Variants in ABLIM1 observed in about 807,000 individuals in gnomAD.
The protein encoded by ABLIM1 is actin-binding LIM protein 1.
ABLIM1 carries 40 observed loss-of-function variants against 107.0 expected under a neutral mutation model. The ratio of observed to expected loss-of-function variants is 0.37; its 90% CI spans 0.29 to 0.49. The LOEUF (loss-of-function observed/expected upper bound fraction) is 0.49. Among genes scored for constraint, ABLIM1 ranks in the 20% least tolerant of loss-of-function variants. The probability of loss-of-function intolerance (pLI) is 0.97; values close to 1 mark genes in which losing one functional copy is unlikely to be tolerated. For synonymous variants in ABLIM1, 357 were observed against 357.3 expected (o/e 1.00, Z 0.01); for missense variants, 857 against 1,008.5 (o/e 0.85, Z 2.04).
Position 114,634,202 on chromosome 10 carries a change from G to C in ABLIM1, c.244+23755C>G, listed in dbSNP as rs1183081715. 4.0e-5 allele frequency among the ~76,000 whole-genome samples: 5 copies of C among 126,456 alleles called. No homozygotes were observed. The East Asian group carries it at 1.0e-3, about 25-fold the overall frequency. 83.0% of individuals were successfully genotyped at this position (126,456 alleles called of 152,430 possible). A position where few individuals can be genotyped will look rare whatever the true frequency, so the allele number is the denominator to read the frequency against. On this transcript the variant is annotated intron_variant, in intron 1 of 22. Coordinates refer to ENST00000533213, the MANE Select transcript of ABLIM1 (RefSeq NM_002313.7). The stretch of plus-strand genomic sequence containing the variant: ...GGCTGGAGTGCAGTGGCGCGATCTC[G>C]GCTCACTGCAAGCTCCGCCTCCCGG...
At chr10:114,615,984 C>T (rs2077106624) in intron 1 of ABLIM1, among the ~76,000 whole-genome samples, 1 of 152,084 alleles carries the variant, frequency 6.6e-6, no homozygotes, top group African/African-American at 2.4e-5. Flanking sequence ...AGTGGCATGT[C>T]CCCAGAACAG....
In ABLIM1 at chr10:114,458,898, T is replaced by C. The variant is rs187913246; in HGVS notation, c.1442-5415A>G. ...TTCCAAATCTCTAGGCATAAGGTTG[T>C]CCAAATGGCCCAAAGATATACTAAG... On this transcript the variant is annotated intron_variant, in intron 12 of 22. Coordinates refer to ENST00000533213, the MANE Select transcript of ABLIM1 (RefSeq NM_002313.7). Among the ~76,000 whole-genome samples, 11 of 152,308 alleles carry C rather than the reference T, an allele frequency of 7.2e-5. No homozygotes were observed. The East Asian group carries it at 2.1e-3, about 29-fold the overall frequency.
At chr10:114,530,596 T>C (rs2497712) in intron 6 of ABLIM1, among the ~76,000 whole-genome samples, 117,064 of 152,100 alleles carry the variant, frequency 0.77, 45,518 homozygotes, top group African/African-American at 0.89. Context: ...TGCAGTAGGG[T>C]GATCTCGGCT....
intron 1 of ABLIM1, among the ~76,000 whole-genome samples, chr10:114,628,968 C>A (rs2077996097): frequency 6.6e-6 from 1 of 152,124 alleles, no homozygotes; most frequent in African/African-American, 2.4e-5. Flanking sequence ...CAGAAATCTC[C>A]TGTGCTTCTT....
the ABLIM1 span, among the ~76,000 whole-genome samples, chr10:114,785,206 C>T: frequency 6.6e-6 from 1 of 152,202 alleles, no homozygotes; most frequent in Non-Finnish European, 1.5e-5. Context: ...AAAGGTGCTA[C>T]CTTCGAAACT....
intron 1 of ABLIM1, among the ~76,000 whole-genome samples, chr10:114,738,781 TAA>T (rs201109393): frequency 1.9e-4 from 27 of 144,956 alleles, no homozygotes; most frequent in African/African-American, 5.3e-4. Context: ...TGAGGCACGA[TAA>T]AAAAAAAAAA....
At position 114,733,096 on chromosome 10, in the gene ABLIM1, G is replaced by A. The variant is rs117165615; in HGVS notation, c.-213+34965C>T. On this transcript the variant is annotated intron_variant, in intron 1 of 15. Transcript: ENST00000651092. Reference sequence around the variant, plus strand: ...GCCATGAGTGTAGTTACAGAATTTGGACTTTGCTCTGTAAGCAAAACTGCT... The same window carrying A: ...GCCATGAGTGTAGTTACAGAATTTGAACTTTGCTCTGTAAGCAAAACTGCT... Among the ~76,000 whole-genome samples the A allele has an allele frequency of 2.6e-5, 4 of 152,266 alleles. No homozygotes were observed. The East Asian group carries it at 5.8e-4, about 22-fold the overall frequency.
rs181864496 is a variant in ABLIM1, at chr10:114,656,991, T to C, written c.244+966A>G. On this transcript the variant is annotated intron_variant, in intron 1 of 22. Coordinates refer to ENST00000533213, the MANE Select transcript of ABLIM1 (RefSeq NM_002313.7). ...GTTTCTTTTTGAGGCAATGAAAATA[T>C]ATATGTAACATATCAGTTGCATACT... is the stretch of plus-strand genomic sequence containing the variant. Among the ~76,000 whole-genome samples, 468 of 152,338 alleles carry C rather than the reference T, an allele frequency of 3.1e-3. 1 individual carries two copies. The highest frequency in any genetic ancestry group is 0.011 in the African/African-American group (448 of 41,564).
chr10:114,453,053 A>G (rs1393075758), intron 13 of ABLIM1, among the ~76,000 whole-genome samples: 1 of 152,264 alleles, frequency 6.6e-6, no homozygotes, highest in African/African-American at 2.4e-5. Context: ...AGTCAATGAC[A>G]GCAAACCACA....
At chr10:114,572,845 G>A (rs2071893943) in intron 3 of ABLIM1, among the ~76,000 whole-genome samples, 1 of 152,172 alleles carries the variant, frequency 6.6e-6, no homozygotes, top group Non-Finnish European at 1.5e-5. Flanking sequence ...GGCCAGGAGT[G>A]GACCCAGACA....
chr10:114,713,750 G>A (rs201011453), intron 1 of ABLIM1, among the ~76,000 whole-genome samples: 2 of 152,076 alleles, frequency 1.3e-5, no homozygotes, highest in African/African-American at 2.4e-5. Context: ...CACTCCTTTC[G>A]GTTACAGAAT....
In ABLIM1 at chr10:114,442,939, C is replaced by T. The variant is rs756369056; in HGVS notation, c.1933+1090G>A. ...ATGTAAGCTCAGCTTTCTGGGTTCA[C>T]GCCATTCTCCTGCCTCAGCCTCCCG... is the stretch of plus-strand genomic sequence containing the variant. On this transcript the variant is annotated intron_variant, in intron 17 of 22. Coordinates refer to ENST00000533213, the MANE Select transcript of ABLIM1 (RefSeq NM_002313.7). Among the ~76,000 whole-genome samples, 4 of 152,042 alleles carry T rather than the reference C, an allele frequency of 2.6e-5. No homozygotes were observed. In the East Asian group the frequency reaches 5.8e-4, roughly 22 times the overall value.
At chr10:114,774,945 T>C in the ABLIM1 span, among the ~76,000 whole-genome samples, 1 of 152,128 alleles carries the variant, frequency 6.6e-6, no homozygotes, top group Non-Finnish European at 1.5e-5. Context: ...AACACAGGTG[T>C]ATTGTCCGTT....
intron 8 of ABLIM1, among the ~76,000 whole-genome samples, chr10:114,481,107 C>T (rs2057295855): frequency 6.6e-6 from 1 of 152,146 alleles, no homozygotes; most frequent in South Asian, 2.1e-4. Context: ...ACATCCTCTT[C>T]CGTTTCCATT....
chr10:114,643,434 A>C (rs1177153316), intron 1 of ABLIM1, among the ~76,000 whole-genome samples: 2 of 152,198 alleles, frequency 1.3e-5, no homozygotes, highest in Non-Finnish European at 2.9e-5. Flanking sequence ...GAGATTATAT[A>C]AAATCTCATC....
In ABLIM1 at chr10:114,517,868, G is replaced by T. The variant is rs192134784; in HGVS notation, c.895-25990C>A. 1.8e-3 allele frequency among the ~76,000 whole-genome samples: 267 copies of T among 152,272 alleles called. 1 individual carries two copies. The highest frequency in any genetic ancestry group is 3.1e-3 in the Non-Finnish European group (208 of 68,012). ...CTTTGGAAACATAGTAACGCTGCACGGGCTGACATGGATCCCCGTGGATGT... is the reference window on the plus strand; with the variant it reads ...CTTTGGAAACATAGTAACGCTGCACTGGCTGACATGGATCCCCGTGGATGT... On this transcript the variant is annotated intron_variant, in intron 6 of 22. Coordinates refer to ENST00000533213, the MANE Select transcript of ABLIM1 (RefSeq NM_002313.7).
chr10:114,654,700 G>T (rs2079414409), intron 1 of ABLIM1, among the ~76,000 whole-genome samples: 1 of 152,202 alleles, frequency 6.6e-6, no homozygotes, highest in Non-Finnish European at 1.5e-5. Flanking sequence ...CCTCAAAAAT[G>T]TCTAAGTGCG....
At chr10:114,441,670 A>T in intron 18 of ABLIM1, 52 bp downstream of exon 18, 1 of 1,534,686 alleles carries the variant, frequency 6.5e-7, no homozygotes, top group Non-Finnish European at 9.0e-7. Context: ...TACTTCAACC[A>T]GGGCCGAGGT....
the ABLIM1 span, among the ~76,000 whole-genome samples, chr10:114,777,657 A>G: frequency 6.6e-6 from 1 of 152,124 alleles, no homozygotes; most frequent in Non-Finnish European, 1.5e-5. Flanking sequence ...TCACCCAAGC[A>G]TCAGCATATG....
Sources: allele counts gnomAD v4.1 joint callset (sites outside exome capture counted in the v4.1 genomes callset), GRCh38; gene constraint gnomAD v4.1.1; transcripts MANE v1.5; gene names NCBI Gene and HGNC (gene_info 2026-07-23, HGNC 2026-07-21).